The following PPFIBP1 variants were observed in gnomAD, a reference collection of about 807,000 sequenced individuals.
The protein encoded by PPFIBP1 is liprin-beta-1.
A neutral mutation model predicts 137.8 loss-of-function variants in PPFIBP1; 112 were observed. The ratio of observed to expected loss-of-function variants is 0.81; its 90% CI spans 0.70 to 0.95. PPFIBP1 has a LOEUF of 0.95. Among genes scored for constraint, PPFIBP1 ranks in the 40% least tolerant of loss-of-function variants. The pLI is 0.00. For missense variants in PPFIBP1, 1,083 were observed against 1,196.6 expected, an observed-to-expected ratio of 0.91 and a Z score of 1.40; for synonymous variants, 378 against 417.3, an observed-to-expected ratio of 0.91 and a Z score of 1.15.
At chr12:27,625,054 T>C (rs2056695235) in intron 2 of PPFIBP1, among the ~76,000 whole-genome samples, 1 of 152,282 alleles carries the variant, frequency 6.6e-6, no homozygotes, top group South Asian at 2.1e-4. Context: ...GCAAATTGCT[T>C]GAGCCCAGGA....
At chr12:27,690,564 G>A (rs2061471108) in intron 27 of PPFIBP1, among the ~76,000 whole-genome samples, 1 of 152,180 alleles carries the variant, frequency 6.6e-6, no homozygotes, top group Admixed American at 6.5e-5. Context: ...ATTGAGCTAT[G>A]AGCATGCTAC....
chr12:27,627,520 A>G (rs907835473), intron 2 of PPFIBP1, among the ~76,000 whole-genome samples: 4 of 152,330 alleles, frequency 2.6e-5, no homozygotes, highest in African/African-American at 9.6e-5. Flanking sequence ...AAGCCCAAGC[A>G]TTTTACCTAA....
rs148466539 is a variant in PPFIBP1, at chr12:27,540,976, G to A, written c.-124+16611G>A. Reference sequence around the variant, plus strand: ...CCTGCTGTTTCTAATTTTTAAATTCGGTTTGTCTTTTATTTTTGTTAGTGA... The same window carrying A: ...CCTGCTGTTTCTAATTTTTAAATTCAGTTTGTCTTTTATTTTTGTTAGTGA... On this transcript the variant is annotated intron_variant, in intron 1 of 29. Coordinates refer to ENST00000228425, the MANE Select transcript of PPFIBP1 (RefSeq NM_003622.4). Among the ~76,000 whole-genome samples the A allele has an allele frequency of 6.4e-3, 979 of 152,032 alleles. 10 individuals are homozygous for A. The highest frequency in any genetic ancestry group is 0.035 in the South Asian group (168 of 4,818).
chr12:27,617,908 G>A (rs1458565362), intron 2 of PPFIBP1, among the ~76,000 whole-genome samples: 9 of 152,116 alleles, frequency 5.9e-5, no homozygotes, highest in Admixed American at 2.6e-4. Flanking sequence ...TCCTGCCCAC[G>A]TCATTCAACA....
Position 27,635,012 on chromosome 12 carries a change from G to A in PPFIBP1, c.167G>A (p.Arg56His), listed in dbSNP as rs148953958. The stretch of plus-strand genomic sequence containing the variant: ...GCTCTGCACCTTGTGGAAGACCTGC[G>A]TGGATTGTTAGAGATGATGGAAACA... Reference protein sequence around the residue: ...LRALHLVEDLRGLLEMMETDE... With the variant: ...LRALHLVEDLHGLLEMMETDE... Residue 56 changes from arginine to histidine, a missense_variant, in exon 4 of 30, where the codon CGT becomes CAT. By Grantham distance (29) the Arg-to-His change is conservative. Transcript: ENST00000228425. The A allele has an allele frequency of 8.1e-6, 13 of 1,614,036 alleles. No homozygotes were observed. Among genetic ancestry groups the A allele is most frequent in the South Asian group, 4.4e-5 (4 of 91,092 alleles).
At chr12:27,545,334 G>T (rs1946118341) in intron 1 of PPFIBP1, among the ~76,000 whole-genome samples, 1 of 152,152 alleles carries the variant, frequency 6.6e-6, no homozygotes, top group South Asian at 2.1e-4. Flanking sequence ...GTATGCCTAT[G>T]TAACAATCCT....
intron 5 of PPFIBP1, among the ~76,000 whole-genome samples, chr12:27,647,469 G>A (rs73084353): frequency 0.2 from 30,037 of 152,098 alleles, 4,185 homozygotes; most frequent in East Asian, 0.49. Context: ...AATGGTTGAA[G>A]TAGCTTTAAC....
At chr12:27,562,719 A>G (rs917707610) in intron 1 of PPFIBP1, among the ~76,000 whole-genome samples, 1 of 152,174 alleles carries the variant, frequency 6.6e-6, no homozygotes, top group Non-Finnish European at 1.5e-5. Flanking sequence ...AACTGGGTTT[A>G]ATTCTGATTC....
intron 11 of PPFIBP1, among the ~76,000 whole-genome samples, chr12:27,661,402 A>T (rs1217737635): frequency 6.6e-6 from 1 of 152,172 alleles, no homozygotes; most frequent in Non-Finnish European, 1.5e-5. Context: ...CTCCCGAGAG[A>T]TTAAATACCA....
chr12:27,602,237 G>C (rs1335807081), intron 2 of PPFIBP1, among the ~76,000 whole-genome samples: 1 of 152,208 alleles, frequency 6.6e-6, no homozygotes, highest in Non-Finnish European at 1.5e-5. Flanking sequence ...GGACTGAAGA[G>C]AGTCTTCAGC....
At chr12:27,587,162 T>A (rs2051862950) in intron 2 of PPFIBP1, among the ~76,000 whole-genome samples, 1 of 152,200 alleles carries the variant, frequency 6.6e-6, no homozygotes, top group African/African-American at 2.4e-5. Context: ...TCTATGAGAC[T>A]GAAAATTCTT....
chr12:27,562,054 ATAGT>A (rs1415711680), intron 1 of PPFIBP1, among the ~76,000 whole-genome samples: 1 of 152,086 alleles, frequency 6.6e-6, no homozygotes, highest in Non-Finnish European at 1.5e-5. Flanking sequence ...TCTTAATCAA[ATAGT>A]TAATCAACAA....
chr12:27,686,871 C>G (rs2061235395), intron 24 of PPFIBP1, among the ~76,000 whole-genome samples: 1 of 147,238 alleles, frequency 6.8e-6, no homozygotes, highest in African/African-American at 2.6e-5. Context: ...TCCTATCTCT[C>G]CAAAAAAAAA....
intron 19 of PPFIBP1, chr12:27,678,053 G>C (rs1358055028): frequency 6.6e-6 from 1 of 152,172 alleles, no homozygotes; most frequent in Non-Finnish European, 1.5e-5. Flanking sequence ...AATGCTAAGA[G>C]GTAAATGCTG....
chr12:27,560,339 C>T (rs150093046), intron 1 of PPFIBP1, among the ~76,000 whole-genome samples: 9 of 152,148 alleles, frequency 5.9e-5, no homozygotes, highest in East Asian at 3.9e-4. Flanking sequence ...CTGTTTCTTT[C>T]GGTGGTTTGG....
At chr12:27,646,188 C>G in intron 5 of PPFIBP1, 40 bp downstream of exon 5, 1 of 1,484,896 alleles carries the variant, frequency 6.7e-7, no homozygotes. Flanking sequence ...TTGCAGCATA[C>G]TTACAAAGCC....
chr12:27,611,336 TTGGCTTGTACA>T (rs2055084257), intron 2 of PPFIBP1, among the ~76,000 whole-genome samples: 1 of 152,218 alleles, frequency 6.6e-6, no homozygotes, highest in Non-Finnish European at 1.5e-5. Flanking sequence ...GCTTCTCCCC[TTGGCTTGTACA>T]TGGCTGTCTT....
intron 4 of PPFIBP1, among the ~76,000 whole-genome samples, chr12:27,638,682 G>A (rs141336585): frequency 8.5e-5 from 13 of 152,294 alleles, no homozygotes; most frequent in African/African-American, 3.1e-4. Flanking sequence ...TTGCAATGAG[G>A]GAAGGAGTTG....
chr12:27,676,322 T>G, intron 17 of PPFIBP1, 106 bp from the exon 18 acceptor site: 1 of 872,440 alleles, frequency 1.1e-6, no homozygotes, highest in Non-Finnish European at 1.6e-6. Context: ...GTTATTCTTT[T>G]GAATAAACTC....
Sources: gnomAD v4.1 joint callset for allele counts (sites outside exome capture counted in the v4.1 genomes callset) on GRCh38, gnomAD v4.1.1 for gene constraint, MANE v1.5 for transcripts, NCBI Gene and HGNC (gene_info 2026-07-23, HGNC 2026-07-21) for gene names.